The following TACC2 variants were observed in gnomAD, a reference collection of about 807,000 sequenced individuals.
TACC2 encodes the protein transforming acidic coiled-coil containing protein 2.
In TACC2, 137 loss-of-function variants were observed where a neutral mutation model predicts 227.3. The ratio of observed to expected loss-of-function variants is 0.60; its 90% CI spans 0.52 to 0.69. The LOEUF is 0.69. TACC2 is among the 30% of genes least tolerant of loss of function. TACC2 has a pLI of 0.00. For missense variants in TACC2, 3,470 were observed against 3,694.4 expected, an observed-to-expected ratio of 0.94 and a Z score of 1.57; for synonymous variants, 1,523 against 1,487.5, an observed-to-expected ratio of 1.02 and a Z score of -0.55.
chr10:122,234,152 C>G (rs946554851), intron 16 of TACC2, among the ~76,000 whole-genome samples: 1 of 152,196 alleles, frequency 6.6e-6, no homozygotes, highest in Admixed American at 6.5e-5. Flanking sequence ...CTCCAGGGGA[C>G]AGGGATCCTG....
intron 3 of TACC2, among the ~76,000 whole-genome samples, chr10:122,068,850 G>T (rs1254259727): frequency 7.7e-5 from 7 of 90,956 alleles, no homozygotes; most frequent in African/African-American, 2.2e-4. Context: ...GTGTGACCTA[G>T]AAGTTTTTTT....
In TACC2 at chr10:122,086,914, G is replaced by T; in HGVS notation, c.4414G>T (p.Val1472Leu). 2.5e-6 allele frequency: 4 copies of T among 1,613,998 alleles called. No individual in the cohort carries two copies. Among genetic ancestry groups the T allele is most frequent in the Non-Finnish European group, 3.4e-6 (4 of 1,180,046 alleles). ...LLPAPPARLQ[V>L]EKKQQLAGEA... ...CCCTGCACCTCCTGCTCGACTCCAG[G>T]TGGAGAAGAAGCAACAGTTGGCTGG... Residue 1472 changes from valine (V) to leucine (L), a missense_variant, in exon 4 of 23, where the codon GTG (valine) becomes TTG (leucine). Physicochemically the swap from Val to Leu is conservative, Grantham distance 32. Around this residue, in one of 10 missense-constraint regions of TACC2, gnomAD observed 1,924 missense variants for 1,978.3 expected, o/e 0.97. Coordinates refer to ENST00000369005, the MANE Select transcript of TACC2 (RefSeq NM_206862.4).
chr10:122,107,878 A>AT (rs1204393563), intron 5 of TACC2, among the ~76,000 whole-genome samples: 3,077 of 88,332 alleles, frequency 0.035, 76 homozygotes, highest in East Asian at 0.14. Flanking sequence ...ATATATATAT[A>AT]TATTTTTTTT....
intron 8 of TACC2, among the ~76,000 whole-genome samples, chr10:122,200,745 C>G (rs2094780393): frequency 8.5e-6 from 1 of 117,156 alleles, no homozygotes; most frequent in Non-Finnish European, 1.8e-5. Flanking sequence ...TGGCCGTGTT[C>G]ACATGGGGAG....
rs1565262628 is a variant in TACC2, at chr10:122,086,374, G to GC, written c.3880dup (p.Leu1294ProfsTer20). 1.2e-6 allele frequency: 2 copies of GC among 1,613,524 alleles called. No individual in the cohort carries two copies. The highest frequency in any genetic ancestry group is 1.7e-6 in the Non-Finnish European group (2 of 1,179,994). Reference sequence around the variant, plus strand: ...CTTGAAGCTGTTTGCTGGCTCCCTCGCCCCCCTGTTGCAACCAGGAGCTGC... The same window carrying GC: ...CTTGAAGCTGTTTGCTGGCTCCCTCGCCCCCCCTGTTGCAACCAGGAGCTGC... On this transcript the variant is annotated frameshift_variant, in exon 4 of 23. Coordinates refer to ENST00000369005, the MANE Select transcript of TACC2 (RefSeq NM_206862.4). LOFTEE classifies it high-confidence loss of function.
intron 7 of TACC2, among the ~76,000 whole-genome samples, chr10:122,177,596 G>A (rs558698885): frequency 6.6e-6 from 1 of 152,232 alleles, no homozygotes; most frequent in East Asian, 1.9e-4. Context: ...ATAAAATGAT[G>A]GCCCAGGGAG....
chr10:122,112,656 T>C (rs1424108961), intron 5 of TACC2, among the ~76,000 whole-genome samples: 2 of 152,042 alleles, frequency 1.3e-5, no homozygotes, highest in Admixed American at 1.3e-4. Flanking sequence ...GTACTTGACC[T>C]TCCCAGTCCG....
intron 1 of TACC2, among the ~76,000 whole-genome samples, chr10:122,009,351 G>A (rs1193023625): frequency 1.3e-5 from 2 of 152,024 alleles, no homozygotes; most frequent in African/African-American, 2.4e-5. Flanking sequence ...AAACAAATAT[G>A]AAATTAGCTG....
chr10:122,191,124 T>A (rs1476322072), intron 7 of TACC2, among the ~76,000 whole-genome samples: 4 of 151,902 alleles, frequency 2.6e-5, no homozygotes, highest in Admixed American at 2.6e-4. Context: ...CAGGACCCTT[T>A]TTTTTTTTTA....
chr10:122,028,778 C>T (rs1198786991), intron 2 of TACC2, among the ~76,000 whole-genome samples: 2 of 77,878 alleles, frequency 2.6e-5, no homozygotes, highest in African/African-American at 1.1e-4. Context: ...CTTCCCTTGC[C>T]TCCGCTCCCC....
chr10:122,017,857 A>G (rs1284132982), intron 1 of TACC2, among the ~76,000 whole-genome samples: 1 of 151,160 alleles, frequency 6.6e-6, no homozygotes, highest in Non-Finnish European at 1.5e-5. Flanking sequence ...AAAGAAAAAG[A>G]AAAAGAAAAA....
intron 7 of TACC2, among the ~76,000 whole-genome samples, chr10:122,160,226 G>A (rs1341858583): frequency 6.6e-6 from 1 of 152,140 alleles, no homozygotes; most frequent in South Asian, 2.1e-4. Context: ...CTTTGGGGAC[G>A]TCAGTAGGAA....
chr10:122,186,906 A>G lies in TACC2; in HGVS notation c.5835-8134A>G, dbSNP rs12769804. On this transcript the variant is annotated intron_variant, in intron 7 of 22. Coordinates refer to ENST00000369005, the MANE Select transcript of TACC2 (RefSeq NM_206862.4). Reference sequence around the variant, plus strand: ...TCTGTGTGCGAAGGCAAGGAAACCAAAAGGGTGGTCCGAGGCTCTTTTTTC... The same window carrying G: ...TCTGTGTGCGAAGGCAAGGAAACCAGAAGGGTGGTCCGAGGCTCTTTTTTC... Among the ~76,000 whole-genome samples, 1,025 of 152,286 alleles carry G rather than the reference A, an allele frequency of 6.7e-3. 9 individuals carry two copies. The highest frequency in any genetic ancestry group is 0.012 in the Non-Finnish European group (792 of 68,022).
At chr10:122,049,275 G>A (rs557780343) in intron 2 of TACC2, among the ~76,000 whole-genome samples, 78 of 152,298 alleles carry the variant, frequency 5.1e-4, no homozygotes, top group South Asian at 1.0e-3. Context: ...CTGGCATCTC[G>A]GCTTTTCTCT....
chr10:122,163,900 G>A (rs775917973), intron 7 of TACC2: 231 of 1,557,002 alleles, frequency 1.5e-4, no homozygotes, highest in Non-Finnish European at 2.0e-4. Context: ...CTCGCGGCTA[G>A]CTTGCACGCC....
chr10:122,206,036 A>G lies in TACC2; in HGVS notation c.5972-4361A>G, dbSNP rs1438140115. ...GAAGAGTCTGTGAATGCCTGGGCAC[A>G]CCTCTGGCCCTCTGGGCGCCAAGGA... On this transcript the variant is annotated intron_variant, in intron 8 of 22. Transcript: ENST00000369005. Among the ~76,000 whole-genome samples, 20 of 147,226 alleles carry G rather than the reference A, an allele frequency of 1.4e-4. No individual in the cohort carries two copies. The Admixed American group carries it at 1.4e-3, about 10-fold the overall frequency.
At chr10:122,176,574 A>G (rs762911218) in intron 7 of TACC2, among the ~76,000 whole-genome samples, 18 of 150,814 alleles carry the variant, frequency 1.2e-4, no homozygotes, top group Admixed American at 2.6e-4. Context: ...ATGTGTAGAC[A>G]AATATAGATT....
intron 7 of TACC2, among the ~76,000 whole-genome samples, chr10:122,176,111 CTCTCTCTATATATATATA>C (rs1457177590): frequency 1.6e-4 from 10 of 62,396 alleles, no homozygotes; most frequent in African/African-American, 6.7e-4. Flanking sequence ...CTCTCTCTCT[CTCTCTCTATATATATATA>C]TATATATATA....
Position 122,141,811 on chromosome 10 carries a change from G to C in TACC2, c.5700-1761G>C, listed in dbSNP as rs1283844503. ...TTGCATTAAACTAAGTAAAATCTTGGTGGGATGTGTGTGGTGGAGGGGGGA... is the reference window on the plus strand; with the variant it reads ...TTGCATTAAACTAAGTAAAATCTTGCTGGGATGTGTGTGGTGGAGGGGGGA... On this transcript the variant is annotated intron_variant, in intron 6 of 22. Transcript: ENST00000369005. This position sits in a 1 kb window ranked among gnomAD's most constrained non-coding sequence, Gnocchi z 4.3. Among the ~76,000 whole-genome samples, 1 of 152,080 alleles carries C rather than the reference G, an allele frequency of 6.6e-6. No individual in the cohort carries two copies. The highest frequency in any genetic ancestry group is 1.5e-5 in the Non-Finnish European group (1 of 68,032).
Sources: gnomAD v4.1 joint callset for allele counts (sites outside exome capture counted in the v4.1 genomes callset) on GRCh38, gnomAD v4.1.1 for gene constraint, gnomAD v4.1.1 regional missense constraint, Gnocchi (gnomAD v3.1) non-coding constraint, MANE v1.5 for transcripts, NCBI Gene and HGNC (gene_info 2026-07-23, HGNC 2026-07-21) for gene names.